KAZN: variants seen among roughly 807,000 people sequenced by gnomAD.
KAZN encodes kazrin.
A neutral mutation model predicts 87.4 loss-of-function variants in KAZN; 40 were observed. The observed-to-expected ratio is 0.46, with a 90% CI of 0.36 to 0.60. The LOEUF (loss-of-function observed/expected upper bound fraction) is 0.60, where lower values mean the gene tolerates loss of function less well. Among genes scored for constraint, KAZN ranks in the 20% least tolerant of loss-of-function variants. The probability of loss-of-function intolerance (pLI) is 0.00; values close to 1 mark genes in which losing one functional copy is unlikely to be tolerated. For synonymous variants in KAZN, 466 were observed against 458.3 expected, an observed-to-expected ratio of 1.02 and a Z score of -0.22; for missense variants, 898 against 1,073.9, an observed-to-expected ratio of 0.84 and a Z score of 2.29.
chr1:14,957,363 G>A (rs1249631416), intron 1 of KAZN, among the ~76,000 whole-genome samples: 2 of 152,216 alleles, frequency 1.3e-5, no homozygotes, highest in Non-Finnish European at 1.5e-5. Context: ...TATGAGGCAG[G>A]GGCCTCTCCA....
At chr1:14,398,500 A>G (rs796484522) in intron 2 of KAZN, among the ~76,000 whole-genome samples, 2 of 152,312 alleles carry the variant, frequency 1.3e-5, no homozygotes, top group African/African-American at 2.4e-5. Context: ...AGTGTTTGCT[A>G]TTATCCCTTT....
chr1:14,262,577 A>G (rs1651150502), intron 2 of KAZN, among the ~76,000 whole-genome samples: 1 of 152,196 alleles, frequency 6.6e-6, no homozygotes, highest in African/African-American at 2.4e-5. Context: ...GTAGCTTAAG[A>G]TGGGTCACCT....
At chr1:14,510,652 A>C (rs1571828647) in intron 2 of KAZN, among the ~76,000 whole-genome samples, 1 of 152,272 alleles carries the variant, frequency 6.6e-6, no homozygotes, top group East Asian at 1.9e-4. Context: ...ACTAATTTAC[A>C]TTTTTTAAAG....
chr1:14,149,247 G>T (rs868662248), intron 1 of KAZN, among the ~76,000 whole-genome samples: 1 of 150,500 alleles, frequency 6.6e-6, no homozygotes, highest in Non-Finnish European at 1.5e-5. Flanking sequence ...GACTACAGGC[G>T]TGTGCCACCA....
In KAZN at chr1:14,762,448, G is replaced by A. The variant is rs528801765; in HGVS notation, c.226+163225G>A. On this transcript the variant is annotated intron_variant, in intron 1 of 14. Coordinates refer to ENST00000376030, the MANE Select transcript of KAZN (RefSeq NM_201628.3). ...TGGCATCAAGAAAGAAGAAGAGGCC[G>A]GGTGCGGTGGCTCACGCCAGTAATC... Among the ~76,000 whole-genome samples the A allele has an allele frequency of 1.1e-4, 17 of 152,308 alleles. No homozygotes were observed. The East Asian group carries it at 1.9e-3, about 17-fold the overall frequency.
At chr1:14,166,941 A>G (rs184964753) in intron 1 of KAZN, among the ~76,000 whole-genome samples, 124 of 152,358 alleles carry the variant, frequency 8.1e-4, no homozygotes, top group Non-Finnish European at 1.5e-5. Context: ...GAAGTGAAGA[A>G]TAAGTTGCAA....
intron 2 of KAZN, among the ~76,000 whole-genome samples, chr1:14,383,714 T>A (rs1203668825): frequency 3.9e-5 from 6 of 152,178 alleles, no homozygotes; most frequent in Non-Finnish European, 8.8e-5. Context: ...TTTTGGTTAC[T>A]GTAGCCTTGT....
At chr1:13,966,365 T>G (rs939241857) in intron 1 of KAZN, among the ~76,000 whole-genome samples, 9 of 152,136 alleles carry the variant, frequency 5.9e-5, no homozygotes, top group Non-Finnish European at 1.2e-4. Context: ...TTGCTTGAAC[T>G]TCTTCTCAGC....
chr1:14,032,817 A>G (rs1165563346), intron 1 of KAZN, among the ~76,000 whole-genome samples: 1 of 152,180 alleles, frequency 6.6e-6, no homozygotes, highest in Non-Finnish European at 1.5e-5. Context: ...GAGAGCTGGC[A>G]TTACTAAGCA....
intron 2 of KAZN, among the ~76,000 whole-genome samples, chr1:14,995,284 C>T (rs1205548745): frequency 6.6e-6 from 1 of 152,204 alleles, no homozygotes; most frequent in African/African-American, 2.4e-5. Context: ...CTGGCATCTG[C>T]TGCTCCACAT....
At chr1:13,916,755 C>T (rs967198616) in intron 1 of KAZN, among the ~76,000 whole-genome samples, 11 of 152,118 alleles carry the variant, frequency 7.2e-5, no homozygotes, top group Non-Finnish European at 1.0e-4. Flanking sequence ...CGAGGAAGAT[C>T]CACCTGGGGA....
At position 14,708,534 on chromosome 1, in the gene KAZN, G is replaced by C. The variant is rs536071633; in HGVS notation, c.226+109311G>C. Reference sequence around the variant, plus strand: ...TTTCTTTTCTTCCTAACTGTGCCAAGTATTAAGAATTGCATGAGGTTGACA... The same window carrying C: ...TTTCTTTTCTTCCTAACTGTGCCAACTATTAAGAATTGCATGAGGTTGACA... On this transcript the variant is annotated intron_variant, in intron 1 of 14. Coordinates refer to ENST00000376030, the MANE Select transcript of KAZN (RefSeq NM_201628.3). Among the ~76,000 whole-genome samples, 24 of 152,334 alleles carry C rather than the reference G, an allele frequency of 1.6e-4. No individual in the cohort carries two copies. In the South Asian group the frequency reaches 5.0e-3, roughly 32 times the overall value.
intron 1 of KAZN, among the ~76,000 whole-genome samples, chr1:14,680,139 CT>C (rs929808356): frequency 6.6e-6 from 1 of 152,084 alleles, no homozygotes; most frequent in African/African-American, 2.4e-5. Flanking sequence ...TTAAAATTAT[CT>C]TTTTAAAAAA....
intron 1 of KAZN, among the ~76,000 whole-genome samples, chr1:14,790,756 A>G (rs1044618591): frequency 6.6e-6 from 1 of 152,168 alleles, no homozygotes; most frequent in East Asian, 1.9e-4. Context: ...GCAGTGGTGC[A>G]ATCTTGGCTC....
chr1:14,906,330 G>A (rs929084189), intron 1 of KAZN, among the ~76,000 whole-genome samples: 1 of 151,980 alleles, frequency 6.6e-6, no homozygotes, highest in African/African-American at 2.4e-5. Flanking sequence ...TTTCTTTCTC[G>A]CCCTCTCTTG....
intron 4 of KAZN, among the ~76,000 whole-genome samples, chr1:15,049,031 A>G (rs910761621): frequency 5.9e-5 from 9 of 152,204 alleles, no homozygotes; most frequent in African/African-American, 1.9e-4. Flanking sequence ...CACTCCAGTG[A>G]GGTCTGTATT....
chr1:14,734,290 GT>G (rs897469728), intron 1 of KAZN, among the ~76,000 whole-genome samples: 1 of 144,862 alleles, frequency 6.9e-6, no homozygotes, highest in African/African-American at 2.6e-5. Context: ...GAGAGTCTGT[GT>G]TTTTCTTTTT....
At chr1:14,056,048 T>C (rs887070988) in intron 1 of KAZN, among the ~76,000 whole-genome samples, 4 of 152,212 alleles carry the variant, frequency 2.6e-5, no homozygotes, top group Admixed American at 2.0e-4. Context: ...TGACTCATAA[T>C]CTACCTCCTC....
chr1:14,129,484 G>A (rs1157846880), intron 1 of KAZN, among the ~76,000 whole-genome samples: 4 of 152,172 alleles, frequency 2.6e-5, no homozygotes, highest in South Asian at 2.1e-4. Flanking sequence ...CCTCCCACCC[G>A]ATTCCTCCCC....
Sources: allele counts gnomAD v4.1 joint callset (sites outside exome capture counted in the v4.1 genomes callset), GRCh38; gene constraint gnomAD v4.1.1; transcripts MANE v1.5; gene names NCBI Gene and HGNC (gene_info 2026-07-23, HGNC 2026-07-21).